Variants in LOXL2 observed in about 807,000 individuals in gnomAD.
The protein encoded by LOXL2 is lysyl oxidase homolog 2.
LOXL2 carries 70 observed loss-of-function variants against 93.0 expected under a neutral mutation model. The observed-to-expected ratio is 0.75, with a 90% CI of 0.62 to 0.92. The LOEUF is 0.92. Among genes scored for constraint, LOXL2 ranks in the 40% least tolerant of loss-of-function variants. LOXL2 has a pLI of 0.00. For synonymous variants in LOXL2, 438 were observed against 413.2 expected (o/e 1.06, Z -0.73); for missense variants, 973 against 1,054.9 (o/e 0.92, Z 1.08).
chr8:23,322,394 C>T (rs1275221357), intron 6 of LOXL2, 113 bp from the exon 7 acceptor site: 2 of 853,008 alleles, frequency 2.3e-6, no homozygotes, highest in African/African-American at 3.4e-5. Context: ...GAACTCTCCC[C>T]ACTGCCTCTT....
In LOXL2 at chr8:23,302,186, C is replaced by T. The variant is rs201666335; in HGVS notation, c.1997-23G>A. The T allele has an allele frequency of 1.3e-4, 212 of 1,612,408 alleles. No individual in the cohort carries two copies. The East Asian group carries it at 3.8e-3, about 29-fold the overall frequency. Reference sequence around the variant, plus strand: ...TGTCTGCGGGCAGGGTAGAGGAGAGCTCATCACCAGGGAACCATGGCCCCA... The same window carrying T: ...TGTCTGCGGGCAGGGTAGAGGAGAGTTCATCACCAGGGAACCATGGCCCCA... On this transcript the variant is annotated intron_variant, in intron 11 of 13. Coordinates refer to ENST00000389131, the MANE Select transcript of LOXL2 (RefSeq NM_002318.3).
intron 10 of LOXL2, among the ~76,000 whole-genome samples, chr8:23,304,613 C>A (rs1330133986): frequency 6.6e-6 from 1 of 152,104 alleles, no homozygotes; most frequent in African/African-American, 2.4e-5. Flanking sequence ...TGGCTTTGCC[C>A]GCTCTCGGGG....
chr8:23,399,256 T>C (rs921623898), intron 1 of LOXL2, among the ~76,000 whole-genome samples: 30 of 152,146 alleles, frequency 2.0e-4, no homozygotes, highest in Non-Finnish European at 4.4e-5. Context: ...AAATGGACGA[T>C]GACAGTAACA....
Position 23,338,848 on chromosome 8 carries a change from C to T in LOXL2, c.743+2144G>A, listed in dbSNP as rs557187530. On this transcript the variant is annotated intron_variant, in intron 4 of 13. Transcript: ENST00000389131. ...AGAGCTTCTGAGCTGGCCCTACCCC[C>T]GGGAGAAGAGGAGCTGCAGCAGGGC... Among the ~76,000 whole-genome samples, 8 of 152,302 alleles carry T rather than the reference C, an allele frequency of 5.3e-5. No individual in the cohort carries two copies. In the East Asian group the frequency reaches 7.7e-4, roughly 15 times the overall value.
intron 5 of LOXL2, chr8:23,331,988 A>G (rs1357679951): frequency 6.9e-6 from 1 of 145,056 alleles, no homozygotes; most frequent in Non-Finnish European, 1.5e-5. Context: ...GTGAACCAAG[A>G]TCATGCCATT....
chr8:23,372,522 C>T (rs1371405530), intron 1 of LOXL2, among the ~76,000 whole-genome samples: 1 of 151,970 alleles, frequency 6.6e-6, no homozygotes, highest in East Asian at 1.9e-4. Flanking sequence ...CCAGCCCAAT[C>T]CAGCTTTATA....
intron 1 of LOXL2, among the ~76,000 whole-genome samples, chr8:23,379,242 A>AG (rs200529673): frequency 0.089 from 13,475 of 152,252 alleles, 851 homozygotes; most frequent in African/African-American, 0.18. Context: ...CAGAGGCTGC[A>AG]GAACAGCGAA....
intron 10 of LOXL2, among the ~76,000 whole-genome samples, chr8:23,307,597 A>T (rs140325646): frequency 4.7e-4 from 71 of 152,262 alleles, no homozygotes; most frequent in African/African-American, 1.6e-3. Context: ...GGTTCCTACC[A>T]TGTAATCTGT....
intron 1 of LOXL2, among the ~76,000 whole-genome samples, chr8:23,401,902 T>A (rs1800155660): frequency 2.0e-5 from 3 of 152,270 alleles, no homozygotes; most frequent in African/African-American, 7.2e-5. Flanking sequence ...TTTTCAGACC[T>A]GAGTTTCATA....
intron 10 of LOXL2, among the ~76,000 whole-genome samples, chr8:23,304,961 T>C (rs1397662003): frequency 6.6e-6 from 1 of 152,186 alleles, no homozygotes; most frequent in Non-Finnish European, 1.5e-5. Context: ...CTAAAAATAA[T>C]ATCAGAAGTT....
At position 23,370,854 on chromosome 8, in the gene LOXL2, C is replaced by T. The variant is rs1045819971; in HGVS notation, c.-83-2420G>A. The T allele has an allele frequency of 1.1e-4, 17 of 152,192 alleles. 1 individual carries two copies. Among genetic ancestry groups the T allele is most frequent in the Non-Finnish European group, 8.8e-5 (6 of 68,054 alleles). 9.4% of individuals were successfully genotyped at this position (152,192 alleles called of 1,614,324 possible). On this transcript the variant is annotated intron_variant, in intron 1 of 13. Coordinates refer to ENST00000389131, the MANE Select transcript of LOXL2 (RefSeq NM_002318.3). The stretch of plus-strand genomic sequence containing the variant: ...TCTAGAAGCCAGGGCATAGGAAGGT[C>T]TGACATTCCCATAAATGGAATCCCA...
At chr8:23,384,369 G>T (rs1344771283) in intron 1 of LOXL2, among the ~76,000 whole-genome samples, 1 of 152,196 alleles carries the variant, frequency 6.6e-6, no homozygotes, top group East Asian at 1.9e-4. Context: ...TGCTCCAGAG[G>T]GGCTGTCAAG....
At chr8:23,300,288 G>A (rs1046134299) in intron 12 of LOXL2, among the ~76,000 whole-genome samples, 5 of 152,220 alleles carry the variant, frequency 3.3e-5, no homozygotes, top group Non-Finnish European at 7.3e-5. Context: ...ACTGCAGACC[G>A]ACATCTCACG....
chr8:23,372,963 T>C (rs900495531), intron 1 of LOXL2, among the ~76,000 whole-genome samples: 2 of 152,214 alleles, frequency 1.3e-5, no homozygotes, highest in African/African-American at 4.8e-5. Context: ...ACATGGAACA[T>C]ATAATGATAC....
rs377332382 is a variant in LOXL2, at chr8:23,368,094, G to C, written c.258C>G (p.Asp86Glu). 7 of 1,614,106 alleles carry C rather than the reference G, an allele frequency of 4.3e-6. No homozygotes were observed. Among genetic ancestry groups the C allele is most frequent in the Non-Finnish European group, 5.9e-6 (7 of 1,180,050 alleles). Residue 86 changes from aspartate (D) to glutamate (E), a missense_variant, in exon 2 of 14, where the codon GAC becomes GAG. Asp to Glu is a conservative substitution (Grantham distance 45). Transcript: ENST00000389131. ...YDGQWGTVCD[D>E]DFSIHAAHVV... Reference sequence around the variant, plus strand: ...CGTGGGCAGCGTGGATGGAGAAGTCGTCATCGCACACGGTGCCCCACTGGC... The same window carrying C: ...CGTGGGCAGCGTGGATGGAGAAGTCCTCATCGCACACGGTGCCCCACTGGC...
chr8:23,365,711 A>G (rs1315717449), intron 2 of LOXL2: 1 of 152,168 alleles, frequency 6.6e-6, no homozygotes, highest in South Asian at 2.1e-4. Context: ...CAGGTCTCTC[A>G]TTACCAGAGA....
rs576543914 is a variant in LOXL2, at chr8:23,323,321, G to C, written c.1151-1040C>G. Among the ~76,000 whole-genome samples the C allele has an allele frequency of 5.9e-5, 9 of 152,328 alleles. 1 individual carries two copies. In the South Asian group the frequency reaches 1.9e-3, roughly 32 times the overall value. On this transcript the variant is annotated intron_variant, in intron 6 of 13. Transcript: ENST00000389131. ...GGAGAGAAAACCCTATGTTAGGAAAGAGCAGAAGGTTCTGTCTGGGAAACA... is the reference window on the plus strand; with the variant it reads ...GGAGAGAAAACCCTATGTTAGGAAACAGCAGAAGGTTCTGTCTGGGAAACA...
At chr8:23,374,014 T>C (rs1804544546) in intron 1 of LOXL2, among the ~76,000 whole-genome samples, 2 of 152,120 alleles carry the variant, frequency 1.3e-5, no homozygotes, top group African/African-American at 4.8e-5. Context: ...GTTTGTTACA[T>C]ATGTATACAT....
At chr8:23,356,449 C>T (rs747708350) in intron 3 of LOXL2, among the ~76,000 whole-genome samples, 3 of 152,210 alleles carry the variant, frequency 2.0e-5, no homozygotes, top group Non-Finnish European at 2.9e-5. Flanking sequence ...AAATATCCCA[C>T]GTAGGTGGTC....
Sources: gnomAD v4.1 joint callset for allele counts (sites outside exome capture counted in the v4.1 genomes callset) on GRCh38, gnomAD v4.1.1 for gene constraint, MANE v1.5 for transcripts, NCBI Gene and HGNC (gene_info 2026-07-23, HGNC 2026-07-21) for gene names.